The following GCNT2 variants were observed in gnomAD, a reference collection of about 807,000 sequenced individuals.
The protein encoded by GCNT2 is glucosaminyl (N-acetyl) transferase 2 (I blood group).
GCNT2 carries 34 observed loss-of-function variants against 34.2 expected under a neutral mutation model. The observed-to-expected ratio is 1.00, with a 90% confidence interval of 0.76 to 1.32. The LOEUF is 1.32. GCNT2 is among the 40% of genes most tolerant of loss of function. The probability of loss-of-function intolerance (pLI) is 0.00; values close to 1 mark genes in which losing one functional copy is unlikely to be tolerated. For missense variants in GCNT2, 584 were observed against 489.4 expected (o/e 1.19, Z -1.82); for synonymous variants, 212 against 188.0 (o/e 1.13, Z -1.04).
At chr6:10,619,854 GC>G (rs1461815814) in intron 3 of GCNT2, among the ~76,000 whole-genome samples, 1 of 152,142 alleles carries the variant, frequency 6.6e-6, no homozygotes, top group Admixed American at 6.5e-5. Context: ...CCATTTCCTT[GC>G]CTTTTCTAGC....
intron 1 of GCNT2, among the ~76,000 whole-genome samples, chr6:10,522,099 G>A (rs1184919011): frequency 6.6e-6 from 1 of 151,880 alleles, no homozygotes; most frequent in Non-Finnish European, 1.5e-5. Flanking sequence ...TGTTGGCCAG[G>A]CTGGTCTCAA....
In GCNT2 at chr6:10,629,223, A is replaced by T. The variant is rs768496965; in HGVS notation, c.*2616A>T. 8 of 152,672 alleles carry T rather than the reference A, an allele frequency of 5.2e-5. No homozygotes were observed. Among genetic ancestry groups the T allele is most frequent in the Admixed American group, 2.0e-4 (3 of 15,274 alleles). The allele number at this position is 152,672 out of a possible 1,614,324, so 9.5% of individuals were successfully genotyped here. ...TGGTCATCTCTCCTGTGTCTTAAAT[A>T]CTTTAATGTTGGAAGAGCATAGTGT... On this transcript the variant is annotated 3_prime_UTR_variant, in exon 5 of 5. Coordinates refer to ENST00000495262, the MANE Select transcript of GCNT2 (RefSeq NM_145649.5).
At chr6:10,613,962 G>A (rs1313736732) in intron 3 of GCNT2, among the ~76,000 whole-genome samples, 1 of 152,156 alleles carries the variant, frequency 6.6e-6, no homozygotes, top group Non-Finnish European at 1.5e-5. Context: ...GCAGCAGGCA[G>A]GAAACAGGCT....
chr6:10,562,636 G>A (rs1478727368), intron 3 of GCNT2, among the ~76,000 whole-genome samples: 1 of 117,318 alleles, frequency 8.5e-6, no homozygotes, highest in African/African-American at 3.3e-5. Context: ...AGGATCACTT[G>A]ACAGAGTCAG....
chr6:10,606,188 G>A (rs555121629), intron 3 of GCNT2, among the ~76,000 whole-genome samples: 4 of 152,346 alleles, frequency 2.6e-5, no homozygotes, highest in African/African-American at 9.6e-5. Context: ...GGTGGTGCAT[G>A]CCTGTAATCC....
intron 3 of GCNT2, among the ~76,000 whole-genome samples, chr6:10,566,768 T>C (rs1371514536): frequency 2.6e-5 from 4 of 152,240 alleles, no homozygotes; most frequent in Non-Finnish European, 5.9e-5. Context: ...CAGACTTAAT[T>C]AAATGCATGC....
intron 3 of GCNT2, among the ~76,000 whole-genome samples, chr6:10,554,368 G>C (rs2113650496): frequency 6.6e-6 from 1 of 152,288 alleles, no homozygotes; most frequent in Middle Eastern, 3.4e-3. Flanking sequence ...ATTGAGTACG[G>C]AAGTATTACG....
In GCNT2 at chr6:10,529,512, A is replaced by G. The variant is rs779553822; in HGVS notation, c.601A>G (p.Arg201Gly). 2 of 1,614,140 alleles carry G rather than the reference A, an allele frequency of 1.2e-6. No individual in the cohort carries two copies. The highest frequency in any genetic ancestry group is 1.7e-5 in the Admixed American group (1 of 60,016). The change falls in exon 3 of 5, where the codon AGG (arginine) becomes GGG (glycine). Residue 201 changes from arginine to glycine, a missense_variant. Arg to Gly is a moderately radical substitution (Grantham distance 125, BLOSUM62 -2). Coordinates refer to ENST00000495262, the MANE Select transcript of GCNT2 (RefSeq NM_145649.5). ...CGQDFPLKTN[R>G]EIVQYLKGFK... ...GCAAGACTTTCCCCTGAAAACCAAC[A>G]GGGAAATAGTTCAGTATCTGAAGGG...
At chr6:10,619,190 CTTCTT>C (rs1210956103) in intron 3 of GCNT2, 2 of 151,662 alleles carry the variant, frequency 1.3e-5, no homozygotes, top group African/African-American at 2.4e-5. Flanking sequence ...TAGCTTTTTT[CTTCTT>C]TTATTTTAGG....
chr6:10,521,773 C>T (rs1402458850), intron 1 of GCNT2, among the ~76,000 whole-genome samples: 12 of 151,918 alleles, frequency 7.9e-5, no homozygotes, highest in Admixed American at 7.9e-4. Context: ...ATCTCAGTTA[C>T]AACTTTTAAC....
At chr6:10,563,480 G>A (rs1359117433) in intron 3 of GCNT2, among the ~76,000 whole-genome samples, 3 of 151,958 alleles carry the variant, frequency 2.0e-5, no homozygotes, top group Admixed American at 6.6e-5. Flanking sequence ...GGTGGCTCAC[G>A]CCTATAATCC....
Position 10,564,748 on chromosome 6 carries a change from AGTTATT to A in GCNT2, c.925+34921_925+34926del, listed in dbSNP as rs371014882. ...ATATCAAATATGTAAGGTCTAAATG[AGTTATT>A]GTTATTGTATTTTCATCTATAAGAT... On this transcript the variant is annotated intron_variant, in intron 3 of 4. Coordinates refer to ENST00000495262, the MANE Select transcript of GCNT2 (RefSeq NM_145649.5). Among the ~76,000 whole-genome samples the A allele has an allele frequency of 2.0e-3, 301 of 152,290 alleles. 1 individual carries two copies. The highest frequency in any genetic ancestry group is 6.7e-3 in the African/African-American group (278 of 41,554).
At chr6:10,566,131 G>A (rs375227635) in intron 3 of GCNT2, among the ~76,000 whole-genome samples, 5 of 151,346 alleles carry the variant, frequency 3.3e-5, no homozygotes, top group South Asian at 4.2e-4. Context: ...TCCCTCTCCC[G>A]GGAGGCTCCC....
At chr6:10,591,988 G>C (rs780126950) in intron 3 of GCNT2, among the ~76,000 whole-genome samples, 13 of 152,202 alleles carry the variant, frequency 8.5e-5, no homozygotes, top group African/African-American at 1.2e-4. Context: ...CCCAGACTTT[G>C]AATTCAGTTT....
chr6:10,537,732 CAAAGAAAACG>C (rs1761839797), intron 3 of GCNT2, among the ~76,000 whole-genome samples: 1 of 102,094 alleles, frequency 9.8e-6, no homozygotes, highest in Admixed American at 1.0e-4. Context: ...AAAAACAAAA[CAAAGAAAACG>C]AAAGAAAATG....
intron 3 of GCNT2, among the ~76,000 whole-genome samples, chr6:10,571,305 G>A (rs975038200): frequency 6.6e-6 from 1 of 152,062 alleles, no homozygotes; most frequent in Admixed American, 6.6e-5. Context: ...TTTAGAAACT[G>A]TAATGCTATA....
chr6:10,523,485 T>C (rs1376133312), intron 1 of GCNT2, among the ~76,000 whole-genome samples: 1 of 151,952 alleles, frequency 6.6e-6, no homozygotes, highest in Non-Finnish European at 1.5e-5. Context: ...TTACTTTTTT[T>C]CCCAGCTATT....
chr6:10,607,157 G>A lies in GCNT2; in HGVS notation c.926-14194G>A, dbSNP rs568161377. Among the ~76,000 whole-genome samples, 110 of 151,882 alleles carry A rather than the reference G, an allele frequency of 7.2e-4. 1 individual carries two copies. Among genetic ancestry groups the A allele is most frequent in the African/African-American group, 2.3e-3 (96 of 41,442 alleles). On this transcript the variant is annotated intron_variant, in intron 3 of 4. Coordinates refer to ENST00000495262, the MANE Select transcript of GCNT2 (RefSeq NM_145649.5). Reference sequence around the variant, plus strand: ...GAGACGGGGTTTCACCATGTTGGCCGGGCTGGTTTTGAACTCTTGACCTCA... The same window carrying A: ...GAGACGGGGTTTCACCATGTTGGCCAGGCTGGTTTTGAACTCTTGACCTCA...
In GCNT2 at chr6:10,529,139, G is replaced by A. The variant is rs1431074833; in HGVS notation, c.228G>A (p.Glu76=). ...CCCTTGATGAAGCTACCTGCTATGA[G>A]TACATGGTTCGAAGCCACTATGTAA... ...KTTLDEATCY[E]YMVRSHYVTE... The change falls in exon 3 of 5, where the codon GAG becomes GAA. Residue 76 remains glutamate (E), a synonymous_variant. Coordinates refer to ENST00000495262, the MANE Select transcript of GCNT2 (RefSeq NM_145649.5). 1 of 1,614,108 alleles carries A rather than the reference G, an allele frequency of 6.2e-7. No homozygotes were observed. The highest frequency in any genetic ancestry group is 1.3e-5 in the African/African-American group (1 of 75,044).
Sources: allele counts gnomAD v4.1 joint callset (sites outside exome capture counted in the v4.1 genomes callset), GRCh38; gene constraint gnomAD v4.1.1; transcripts MANE v1.5; gene names NCBI Gene and HGNC (gene_info 2026-07-23, HGNC 2026-07-21).